The following SEPTIN6 variants were observed in gnomAD, a reference collection of about 807,000 sequenced individuals.
The protein encoded by SEPTIN6 is septin-6.
SEPTIN6 carries 8 observed loss-of-function variants against 33.6 expected under a neutral mutation model. That is an observed-to-expected ratio of 0.24 (90% CI 0.14 to 0.43). SEPTIN6 has a LOEUF of 0.43. SEPTIN6 is among the 20% of genes least tolerant of loss of function. SEPTIN6 has a pLI of 1.00. For synonymous variants in SEPTIN6, 131 were observed against 140.0 expected, an observed-to-expected ratio of 0.94 and a Z score of 0.45; for missense variants, 250 against 340.8, an observed-to-expected ratio of 0.73 and a Z score of 2.10.
intron 2 of SEPTIN6, among the ~76,000 whole-genome samples, chrX:119,665,588 C>T: frequency 9.0e-6 from 1 of 111,574 alleles, no homozygotes. Context: ...TCAAGGGATA[C>T]CAAGCCACTG....
At chrX:119,661,005 G>A (rs2054528330) in intron 3 of SEPTIN6, among the ~76,000 whole-genome samples, 1 of 78,833 alleles carries the variant, frequency 1.3e-5, no homozygotes, top group Non-Finnish European at 2.2e-5. Context: ...TTGTGCCACT[G>A]CACTTCAGCC....
rs774531812 is a variant in SEPTIN6, at chrX:119,647,733, A to G, written c.690+2204T>C. Among the ~76,000 whole-genome samples, 484 of 108,844 alleles carry G rather than the reference A, an allele frequency of 4.4e-3. 8 individuals are homozygous for G. The highest frequency in any genetic ancestry group is 0.016 in the African/African-American group (465 of 29,483). The allele number at this position is 108,844 out of a possible 115,157, so 94.5% of individuals were successfully genotyped here. Reference sequence around the variant, plus strand: ...CAAAGGCGAGATCTCAGCTCACTGCAACCTCTGCCTCCTGGGTTCAAGCGA... The same window carrying G: ...CAAAGGCGAGATCTCAGCTCACTGCGACCTCTGCCTCCTGGGTTCAAGCGA... On this transcript the variant is annotated intron_variant, in intron 5 of 10. Coordinates refer to ENST00000394610, the MANE Select transcript of SEPTIN6 (RefSeq NM_145799.4).
chrX:119,650,007 C>T lies in SEPTIN6; in HGVS notation c.620G>A (p.Ser207Asn), dbSNP rs1443580117. ...FKIKITSELV[S>N]NGVQIYQFPT... ...AAACTGATAGATCTGGACTCCGTTGCTGACAAGCTCGCTGGTGATTTTGAT... is the reference window on the plus strand; with the variant it reads ...AAACTGATAGATCTGGACTCCGTTGTTGACAAGCTCGCTGGTGATTTTGAT... Residue 207 changes from serine (S) to asparagine (N), a missense_variant, in exon 5 of 11, where the codon AGC becomes AAC. Physicochemically the swap from Ser to Asn is conservative, Grantham distance 46 (BLOSUM62 1). Coordinates refer to ENST00000394610, the MANE Select transcript of SEPTIN6 (RefSeq NM_145799.4). 1 of 1,211,424 alleles carries T rather than the reference C, an allele frequency of 8.3e-7. No homozygotes were observed. The highest frequency in any genetic ancestry group is 2.2e-5 in the Admixed American group (1 of 46,081).
intron 2 of SEPTIN6, among the ~76,000 whole-genome samples, chrX:119,670,670 G>A (rs1448347585): frequency 9.2e-6 from 1 of 109,204 alleles, no homozygotes; most frequent in Admixed American, 9.9e-5. Context: ...CGGACGCAGT[G>A]GCTCACACCT....
intron 2 of SEPTIN6, among the ~76,000 whole-genome samples, chrX:119,670,560 CA>C (rs764828469): frequency 0.01 from 396 of 39,576 alleles, no homozygotes; most frequent in African/African-American, 0.025. Context: ...GACTCTGTCT[CA>C]AAAAAAAAAA....
chrX:119,644,589 C>T (rs867965115), intron 5 of SEPTIN6, among the ~76,000 whole-genome samples: 2 of 111,229 alleles, frequency 1.8e-5, no homozygotes, highest in Non-Finnish European at 3.8e-5. Flanking sequence ...TGGCTCACGC[C>T]TGTAATCCCA....
At chrX:119,648,683 G>A (rs1273289644) in intron 5 of SEPTIN6, among the ~76,000 whole-genome samples, 1 of 111,437 alleles carries the variant, frequency 9.0e-6, no homozygotes, top group Non-Finnish European at 1.9e-5. Flanking sequence ...ACAATGACTT[G>A]CTGCCCTGCT....
At chrX:119,686,452 G>A in intron 1 of SEPTIN6, 2 of 349,362 alleles carry the variant, frequency 5.7e-6, no homozygotes, top group South Asian at 3.3e-5. Flanking sequence ...CTTTTCCCTG[G>A]TCACCTTTAA....
Position 119,618,270 on chromosome X carries a change from G to C in SEPTIN6, c.*1823C>G. The stretch of plus-strand genomic sequence containing the variant: ...TTGAATTTTCCCAAGAAACTGGCTT[G>C]TGCTTTGGCAGCATCACCTTCATAC... On this transcript the variant is annotated 3_prime_UTR_variant, in exon 11 of 11. Coordinates refer to ENST00000394610, the MANE Select transcript of SEPTIN6 (RefSeq NM_145799.4). 1.2e-6 allele frequency: 1 copy of C among 802,720 alleles called. No homozygotes were observed. Among genetic ancestry groups the C allele is most frequent in the Non-Finnish European group, 1.5e-6 (1 of 671,313 alleles). 66.2% of individuals were successfully genotyped at this position (802,720 alleles called of 1,213,427 possible).
rs185635910 is a variant in SEPTIN6 at position 119,685,678 on chromosome X, G to A, written c.30+7398C>T. 3.6e-5 allele frequency among the ~76,000 whole-genome samples: 4 copies of A among 111,254 alleles called. No individual in the cohort carries two copies. In the East Asian group the frequency reaches 1.1e-3, roughly 31 times the overall value. ...CTCAAATGGAAAAGCTGACTCAAGT[G>A]GCACATGTGTTTCTTTAGACTGGTA... On this transcript the variant is annotated intron_variant, in intron 1 of 10. Transcript: ENST00000394610.
chrX:119,640,220 C>T (rs181574970), intron 6 of SEPTIN6, among the ~76,000 whole-genome samples: 4,426 of 90,534 alleles, frequency 0.049, 151 homozygotes, highest in South Asian at 0.095. Context: ...GGGGTTTCAC[C>T]ATGTTGGCCA....
At chrX:119,685,572 G>A (rs1356125878) in intron 1 of SEPTIN6, among the ~76,000 whole-genome samples, 1 of 111,990 alleles carries the variant, frequency 8.9e-6, no homozygotes, top group African/African-American at 3.2e-5. Flanking sequence ...CAGAGAGGAA[G>A]TGACTTGGCT....
At chrX:119,686,632 A>G (rs1389039668) in intron 1 of SEPTIN6, 1 of 965,832 alleles carries the variant, frequency 1.0e-6, no homozygotes, top group Non-Finnish European at 1.3e-6. Context: ...CCAGCAGCAG[A>G]AGCCTCCTCC....
intron 9 of SEPTIN6, among the ~76,000 whole-genome samples, chrX:119,628,127 AT>A (rs1454619993): frequency 4.9e-3 from 339 of 68,850 alleles, no homozygotes; most frequent in African/African-American, 0.014. Flanking sequence ...TTTCTTTTCT[AT>A]TTTTTTTTTT....
rs1297340426 is a variant in SEPTIN6, at chrX:119,618,702, A to C, written c.*1391T>G. ...GCACCCCAAAGGAAAGCTGTCAGTT[A>C]AAATAGGAACCTCGGCTTAAAAGGC... On this transcript the variant is annotated 3_prime_UTR_variant, in exon 11 of 11. Coordinates refer to ENST00000394610, the MANE Select transcript of SEPTIN6 (RefSeq NM_145799.4). 2.5e-6 allele frequency: 3 copies of C among 1,200,391 alleles called. No individual in the cohort carries two copies. The highest frequency in any genetic ancestry group is 3.4e-6 in the Non-Finnish European group (3 of 890,332).
intron 3 of SEPTIN6, 24 bp downstream of exon 3, chrX:119,663,458 A>AAACC: frequency 5.2e-5 from 38 of 730,615 alleles, no homozygotes; most frequent in Non-Finnish European, 6.6e-5. Flanking sequence ...TCCCCACCCT[A>AAACC]CCCCACCCCA....
At chrX:119,685,791 A>C (rs2055045658) in intron 1 of SEPTIN6, among the ~76,000 whole-genome samples, 1 of 111,732 alleles carries the variant, frequency 8.9e-6, no homozygotes, top group Non-Finnish European at 1.9e-5. Context: ...GAGCTCCCCA[A>C]GGTGGTTCTG....
At chrX:119,642,859 C>T (rs755586761) in intron 5 of SEPTIN6, among the ~76,000 whole-genome samples, 2 of 111,136 alleles carry the variant, frequency 1.8e-5, no homozygotes, top group African/African-American at 3.3e-5. Flanking sequence ...CTCTCAGCTG[C>T]TATCAGACGA....
intron 1 of SEPTIN6, chrX:119,686,495 A>G: frequency 1.6e-6 from 1 of 632,054 alleles, no homozygotes; most frequent in Non-Finnish European, 2.2e-6. Flanking sequence ...AGCGCGCTGC[A>G]TAATTCAGCA....
Sources: gnomAD v4.1 joint callset for allele counts (sites outside exome capture counted in the v4.1 genomes callset) on GRCh38, gnomAD v4.1.1 for gene constraint, MANE v1.5 for transcripts, NCBI Gene and HGNC (gene_info 2026-07-23, HGNC 2026-07-21) for gene names.